The following SYNE2 variants were observed in gnomAD, a reference collection of about 807,000 sequenced individuals.
SYNE2 encodes the protein spectrin repeat containing nuclear envelope protein 2.
Under a neutral mutation model 856.3 loss-of-function variants are expected in SYNE2, and 431 were observed. The ratio of observed to expected loss-of-function variants is 0.50; its 90% CI spans 0.47 to 0.55. The LOEUF (loss-of-function observed/expected upper bound fraction) is 0.55, where lower values mean the gene tolerates loss of function less well. Among genes scored for constraint, SYNE2 ranks in the 20% least tolerant of loss-of-function variants. The pLI is 0.00. For synonymous variants in SYNE2, 2,923 were observed against 2,872.3 expected (o/e 1.02, Z -0.56); for missense variants, 8,129 against 8,023.2 (o/e 1.01, Z -0.50).
At chr14:63,809,401 T>C (rs1482570340) in intron 1 of SYNE2, among the ~76,000 whole-genome samples, 1 of 152,172 alleles carries the variant, frequency 6.6e-6, no homozygotes, top group Non-Finnish European at 1.5e-5. Context: ...TTGAAAATCT[T>C]TTATTGTTCT....
intron 96 of SYNE2, among the ~76,000 whole-genome samples, chr14:64,182,192 C>T (rs1202030271): frequency 2.0e-5 from 3 of 152,226 alleles, no homozygotes; most frequent in South Asian, 2.1e-4. Flanking sequence ...TCCTGTGCAA[C>T]ACACCGCTTT....
At chr14:63,932,788 G>A (rs1282303567) in intron 2 of SYNE2, among the ~76,000 whole-genome samples, 1 of 152,210 alleles carries the variant, frequency 6.6e-6, no homozygotes, top group East Asian at 1.9e-4. Context: ...ACATGTGCTG[G>A]GTGCCGGCGT....
In SYNE2 at chr14:64,098,738, G is replaced by A. The variant is rs376765095; in HGVS notation, c.12307-9G>A. ...CAGACTGCAGGTATTCTTGTGCTGT[G>A]CCTTTCAGTTGAACAGAAGAGGCTC... On this transcript the variant is annotated splice_polypyrimidine_tract_variant and intron_variant, in intron 62 of 115. Coordinates refer to ENST00000555002, the MANE Select transcript of SYNE2 (RefSeq NM_182914.3). 5.0e-6 allele frequency: 8 copies of A among 1,613,694 alleles called. No individual in the cohort carries two copies. Among genetic ancestry groups the A allele is most frequent in the Non-Finnish European group, 6.8e-6 (8 of 1,179,958 alleles).
rs560722267 is a variant in SYNE2 at position 63,876,523 on chromosome 14, T to A, written c.-52+23380T>A. On this transcript the variant is annotated intron_variant, in intron 1 of 115. Transcript: ENST00000555002. ...TTTTTTTTGAGACCGAGTCTCGCTC[T>A]GTTGCCCAGGCTGGAGTGCAGTGGC... is the stretch of plus-strand genomic sequence containing the variant. 2.0e-4 allele frequency among the ~76,000 whole-genome samples: 30 copies of A among 151,672 alleles called. 1 individual carries two copies. In the South Asian group the frequency reaches 6.3e-3, roughly 32 times the overall value.
chr14:63,853,380 G>C (rs1890867857), intron 1 of SYNE2, among the ~76,000 whole-genome samples: 1 of 151,496 alleles, frequency 6.6e-6, no homozygotes, highest in Non-Finnish European at 1.5e-5. Flanking sequence ...GGGCGCTCCG[G>C]GGATTGGAGC....
chr14:64,018,709 G>T (rs1038463131), intron 34 of SYNE2, among the ~76,000 whole-genome samples: 1 of 152,074 alleles, frequency 6.6e-6, no homozygotes. Context: ...ATAAAAACAG[G>T]CTATCAGCTC....
At position 64,129,910 on chromosome 14, in the gene SYNE2, G is replaced by A; in HGVS notation, c.14139+9G>A. On this transcript the variant is annotated intron_variant, in intron 75 of 115. Coordinates refer to ENST00000555002, the MANE Select transcript of SYNE2 (RefSeq NM_182914.3). ...AGGTTTACAAATTAGAGGTATGCCT[G>A]AGCAGAAAACATTGACTCAGCACTG... The A allele has an allele frequency of 6.2e-7, 1 of 1,614,084 alleles. No homozygotes were observed.
intron 84 of SYNE2, among the ~76,000 whole-genome samples, chr14:64,150,271 G>A (rs1286137366): frequency 1.8e-5 from 2 of 108,922 alleles, no homozygotes; most frequent in African/African-American, 7.2e-5. Context: ...CAGCATGGGT[G>A]ACAGAGCAAG....
intron 53 of SYNE2, 83 bp from the exon 54 acceptor site, chr14:64,075,862 T>C: frequency 6.9e-7 from 1 of 1,457,466 alleles, no homozygotes; most frequent in Non-Finnish European, 9.6e-7. Flanking sequence ...ATCATAAGGA[T>C]GTGCTGGAAG....
intron 7 of SYNE2, among the ~76,000 whole-genome samples, chr14:63,952,026 C>T (rs1294456096): frequency 3.9e-5 from 6 of 152,118 alleles, no homozygotes; most frequent in Non-Finnish European, 8.8e-5. Flanking sequence ...TTTCAATATC[C>T]TGTGTTTTAT....
At position 64,090,908 on chromosome 14, in the gene SYNE2, G is replaced by A. The variant is rs1452872687; in HGVS notation, c.11836G>A (p.Glu3946Lys). Residue 3946 changes from glutamate to lysine, a missense_variant, in exon 60 of 116, where the codon GAG becomes AAG. Transcript: ENST00000555002. ...ACGTCCCATGAAGAAAACCATTGCT[G>A]AGATAGTGTCTTACCAAGTGGAACT... ...NIRPMKKTIA[E>K]IVSYQVELRL... The A allele has an allele frequency of 3.1e-6, 5 of 1,614,114 alleles. No homozygotes were observed. Among genetic ancestry groups the A allele is most frequent in the Non-Finnish European group, 4.2e-6 (5 of 1,180,000 alleles).
At chr14:64,136,289 C>CAAAA (rs34694248) in intron 78 of SYNE2, among the ~76,000 whole-genome samples, 6 of 62,028 alleles carry the variant, frequency 9.7e-5, no homozygotes, top group African/African-American at 3.1e-4. Flanking sequence ...GACTTCATCT[C>CAAAA]AAAAAAAAAA....
intron 11 of SYNE2, among the ~76,000 whole-genome samples, chr14:63,974,837 T>C (rs1457630013): frequency 3.3e-5 from 1 of 30,648 alleles, no homozygotes; most frequent in Non-Finnish European, 5.3e-5. Flanking sequence ...TATATAGACG[T>C]GTGTGTGTGT....
At chr14:63,956,780 C>T (rs2096246470) in intron 8 of SYNE2, among the ~76,000 whole-genome samples, 2 of 152,108 alleles carry the variant, frequency 1.3e-5, no homozygotes, top group Non-Finnish European at 2.9e-5. Context: ...TGTATAACAA[C>T]TATTTACATA....
At chr14:63,971,054 T>TA (rs955115645) in intron 11 of SYNE2, among the ~76,000 whole-genome samples, 5 of 152,158 alleles carry the variant, frequency 3.3e-5, no homozygotes, top group African/African-American at 1.2e-4. Flanking sequence ...ATCATGTTTT[T>TA]AGTGGTTGCT....
chr14:63,995,330 G>A, intron 23 of SYNE2, 128 bp downstream of exon 23: 1 of 725,292 alleles, frequency 1.4e-6, no homozygotes, highest in Non-Finnish European at 2.3e-6. Context: ...CCCCGGGGAT[G>A]ATCACTTCTT....
intron 72 of SYNE2, 32 bp downstream of exon 72, chr14:64,126,511 C>T: frequency 6.2e-7 from 1 of 1,614,116 alleles, no homozygotes; most frequent in Non-Finnish European, 8.5e-7. Flanking sequence ...CATGTGTTGG[C>T]CATTACAGCA....
intron 1 of SYNE2, among the ~76,000 whole-genome samples, chr14:63,814,510 A>G (rs1176302858): frequency 2.8e-5 from 4 of 141,706 alleles, no homozygotes; most frequent in South Asian, 4.3e-4. Context: ...TATATAATAT[A>G]TATATCCATT....
intron 1 of SYNE2, among the ~76,000 whole-genome samples, chr14:63,874,981 G>A (rs1429351013): frequency 6.6e-6 from 1 of 151,992 alleles, no homozygotes; most frequent in Non-Finnish European, 1.5e-5. Context: ...TCTCAGAGAT[G>A]GTGTCATCTA....
Sources: allele counts gnomAD v4.1 joint callset (sites outside exome capture counted in the v4.1 genomes callset), GRCh38; gene constraint gnomAD v4.1.1; transcripts MANE v1.5; gene names NCBI Gene and HGNC (gene_info 2026-07-23, HGNC 2026-07-21).